The following CCNH variants were observed in gnomAD, a reference collection of about 807,000 sequenced individuals.
CCNH encodes the protein cyclin-H.
Under a neutral mutation model 41.9 loss-of-function variants are expected in CCNH, and 31 were observed. The observed-to-expected ratio is 0.74, with a 90% CI of 0.56 to 1.00. CCNH has a LOEUF of 1.00. Among genes scored for constraint, CCNH ranks in the 50% least tolerant of loss-of-function variants. The probability of loss-of-function intolerance (pLI) is 0.00; values close to 1 mark genes in which losing one functional copy is unlikely to be tolerated. For missense variants in CCNH, 362 were observed against 388.4 expected (o/e 0.93, Z 0.57); for synonymous variants, 138 against 136.1 (o/e 1.01, Z -0.10).
At chr5:87,362,138 T>TCA (rs1760152151) in intron 9 of CCNH, among the ~76,000 whole-genome samples, 1 of 152,220 alleles carries the variant, frequency 6.6e-6, no homozygotes, top group Non-Finnish European at 1.5e-5. Flanking sequence ...ACCTAGCATT[T>TCA]CTCACAGACA....
chr5:87,407,832 A>G, intron 4 of CCNH, 144 bp downstream of exon 4: 2 of 591,182 alleles, frequency 3.4e-6, no homozygotes, highest in Non-Finnish European at 5.9e-6. Flanking sequence ...TTTGAAAACA[A>G]CTGCCCTAGA....
downstream of CCNH, chr5:87,392,641 A>C: frequency 4.9e-6 from 1 of 203,440 alleles, no homozygotes; most frequent in Non-Finnish European, 1.0e-5. Flanking sequence ...ATCTTTAGCC[A>C]TACTAACCTG....
chr5:87,358,316 T>C lies in CCNH; in HGVS notation c.*90+34454A>G, dbSNP rs184326696. On this transcript the variant is annotated intron_variant and NMD_transcript_variant, in intron 9 of 9. Transcript: ENST00000645953. ...TTTTTGAGCACTATATTTTAAGCACTGTTTTTTATACATATTCATTCATTT... is the reference window on the plus strand; with the variant it reads ...TTTTTGAGCACTATATTTTAAGCACCGTTTTTTATACATATTCATTCATTT... Among the ~76,000 whole-genome samples, 245 of 152,328 alleles carry C rather than the reference T, an allele frequency of 1.6e-3. 3 individuals carry two copies. The highest frequency in any genetic ancestry group is 7.1e-3 in the Admixed American group (108 of 15,296).
intron 9 of CCNH, chr5:87,331,601 TA>T: frequency 7.7e-7 from 1 of 1,290,784 alleles, no homozygotes; most frequent in South Asian, 1.2e-5. Context: ...CAGTAACAAA[TA>T]ATAGAGAAGG....
At chr5:87,388,266 A>G (rs961366046), downstream of CCNH, among the ~76,000 whole-genome samples, 2 of 152,170 alleles carry the variant, frequency 1.3e-5, no homozygotes, top group African/African-American at 4.8e-5. Context: ...TGTCCCATAG[A>G]TAACATTGTT....
chr5:87,395,016 T>TAA (rs1168462369), intron 8 of CCNH, 28 bp downstream of exon 8: 5 of 1,611,646 alleles, frequency 3.1e-6, no homozygotes, highest in Admixed American at 1.7e-5. Flanking sequence ...AAAAATAACT[T>TAA]AGAGTTCATC....
chr5:87,384,369 A>C (rs1761927501), intron 9 of CCNH, among the ~76,000 whole-genome samples: 1 of 152,172 alleles, frequency 6.6e-6, no homozygotes, highest in Admixed American at 6.5e-5. Flanking sequence ...AAAGGATAAC[A>C]GGGATATTTG....
At position 87,376,952 on chromosome 5, in the gene CCNH, G is replaced by A. The variant is rs1388677749; in HGVS notation, n.229C>T. 1.2e-5 allele frequency: 19 copies of A among 1,611,180 alleles called. No homozygotes were observed. In the East Asian group the frequency reaches 4.2e-4, roughly 36 times the overall value. ...TATGTGGACAAGACCGAACACTACT[G>A]GCCAGCATCCTACTGAGGATTTTTC... is the stretch of plus-strand genomic sequence containing the variant. On this transcript the variant is annotated non_coding_transcript_exon_variant, in exon 1 of 1. Coordinates refer to the CCNH transcript ENST00000607486.
At chr5:87,391,002 T>A, downstream of CCNH, 1 of 1,003,970 alleles carries the variant, frequency 1.0e-6, no homozygotes, top group South Asian at 1.3e-5. Context: ...TCCAGTGATG[T>A]GTGAGCTATG....
chr5:87,339,246 CT>C (rs1356306521), intron 9 of CCNH, among the ~76,000 whole-genome samples: 2 of 152,058 alleles, frequency 1.3e-5, no homozygotes, highest in Non-Finnish European at 2.9e-5. Flanking sequence ...GTAAAACATA[CT>C]GAGTAGAGGT....
downstream of CCNH, chr5:87,386,833 A>G: frequency 6.2e-7 from 1 of 1,612,728 alleles, no homozygotes; most frequent in Non-Finnish European, 8.5e-7. Context: ...CAGGAGCCCT[A>G]CATGGAAGGT....
chr5:87,388,471 A>C (rs1014767437), downstream of CCNH, among the ~76,000 whole-genome samples: 3 of 152,204 alleles, frequency 2.0e-5, no homozygotes, highest in Non-Finnish European at 4.4e-5. Context: ...AGGAAATGCT[A>C]TTTGGAAAAT....
At chr5:87,358,463 G>A (rs553966333) in intron 9 of CCNH, among the ~76,000 whole-genome samples, 1 of 151,914 alleles carries the variant, frequency 6.6e-6, no homozygotes, top group South Asian at 2.1e-4. Context: ...TTTTCTTCCT[G>A]TACTTTATAT....
chr5:87,348,493 C>T (rs1287158121), intron 9 of CCNH, among the ~76,000 whole-genome samples: 2 of 151,902 alleles, frequency 1.3e-5, no homozygotes. Context: ...TAATTTGCTT[C>T]TATAATTCCT....
chr5:87,367,626 G>C (rs1397200851), intron 9 of CCNH, among the ~76,000 whole-genome samples: 2 of 152,232 alleles, frequency 1.3e-5, no homozygotes, highest in East Asian at 1.9e-4. Context: ...GCATTACTTA[G>C]AAAGATGTCT....
intron 9 of CCNH, among the ~76,000 whole-genome samples, chr5:87,325,718 AG>A (rs1757181004): frequency 6.6e-6 from 1 of 152,220 alleles, no homozygotes; most frequent in African/African-American, 2.4e-5. Context: ...TTTTTATAAA[AG>A]GAACTCTATT....
chr5:87,363,520 C>T (rs1760269023), intron 9 of CCNH: 1 of 1,606,646 alleles, frequency 6.2e-7, no homozygotes, highest in Non-Finnish European at 8.5e-7. Context: ...AGACTGGTTT[C>T]CTATTTTTCT....
chr5:87,333,402 C>T (rs1561288229), intron 9 of CCNH: 2 of 1,591,074 alleles, frequency 1.3e-6, no homozygotes, highest in Non-Finnish European at 1.7e-6. Flanking sequence ...ATTTATTACT[C>T]TTGGACTAGG....
chr5:87,375,999 G>A (rs541844731), downstream of CCNH, among the ~76,000 whole-genome samples: 9 of 151,886 alleles, frequency 5.9e-5, no homozygotes, highest in Non-Finnish European at 1.2e-4. Context: ...TCTAGATCTC[G>A]TCCGCTCAAG....
Sources: gnomAD v4.1 joint callset for allele counts (sites outside exome capture counted in the v4.1 genomes callset) on GRCh38, gnomAD v4.1.1 for gene constraint, MANE v1.5 for transcripts, NCBI Gene and HGNC (gene_info 2026-07-23, HGNC 2026-07-21) for gene names.